Variants in CACNA1B observed in about 807,000 individuals in gnomAD.
CACNA1B encodes the protein calcium voltage-gated channel subunit alpha1 B, also known as voltage-dependent N-type calcium channel subunit alpha-1B.
A neutral mutation model predicts 247.2 loss-of-function variants in CACNA1B; 70 were observed. That is an observed-to-expected ratio of 0.28 (90% CI 0.23 to 0.35). The LOEUF (loss-of-function observed/expected upper bound fraction) is 0.35. CACNA1B is among the 10% of genes least tolerant of loss of function. The probability of loss-of-function intolerance (pLI) is 1.00; values close to 1 mark genes in which losing one functional copy is unlikely to be tolerated. For synonymous variants in CACNA1B, 1,231 were observed against 1,294.4 expected (o/e 0.95, Z 1.05); for missense variants, 2,367 against 3,197.4 (o/e 0.74, Z 6.26).
At chr9:137,924,944 G>T (rs1957532755) in intron 6 of CACNA1B, among the ~76,000 whole-genome samples, 1 of 152,206 alleles carries the variant, frequency 6.6e-6, no homozygotes, top group Non-Finnish European at 1.5e-5. Context: ...GGCAGCCAGT[G>T]CCTGGTTGTC....
chr9:137,882,829 G>A lies in CACNA1B; in HGVS notation c.476G>A (p.Gly159Asp), dbSNP rs1236721981. ...GCTCTGGGCTTTGTCTTCCACAAGG[G>A]CTCTTACCTGCGGAACGGCTGGAAC... ...IIALGFVFHKGSYLRNGWNVM... is the reference protein window; with the variant it reads ...IIALGFVFHKDSYLRNGWNVM... Residue 159 changes from glycine to aspartate, a missense_variant, in exon 3 of 47, where the codon GGC becomes GAC. Transcript: ENST00000371372. The surrounding 1 kb of genome is among the most constrained non-coding windows in gnomAD (Gnocchi z 4.0). The A allele has an allele frequency of 1.9e-6, 3 of 1,613,842 alleles. No individual in the cohort carries two copies. In the East Asian group the frequency reaches 6.7e-5, roughly 36 times the overall value.
chr9:137,939,109 C>G (rs964717534), intron 6 of CACNA1B, among the ~76,000 whole-genome samples: 4 of 152,026 alleles, frequency 2.6e-5, no homozygotes, highest in Non-Finnish European at 5.9e-5. Context: ...TACACAGCAA[C>G]ACAATAATAG....
At position 138,023,073 on chromosome 9, in the gene CACNA1B, T is replaced by C; in HGVS notation, c.2330T>C (p.Leu777Pro). 6.5e-7 allele frequency: 1 copy of C among 1,529,594 alleles called. No individual in the cohort carries two copies. Among genetic ancestry groups the C allele is most frequent in the Non-Finnish European group, 8.7e-7 (1 of 1,144,884 alleles). The allele number at this position is 1,529,594 out of a possible 1,614,324, so 94.8% of individuals were successfully genotyped here. ...VWEQRASQLR[L>P]QNLRASCEAL... ...GAGCAGCGGGCCAGCCAGCTACGGCTGCAGAACCTGCGGGCCAGCTGCGAG... is the reference window on the plus strand; with the variant it reads ...GAGCAGCGGGCCAGCCAGCTACGGCCGCAGAACCTGCGGGCCAGCTGCGAG... The change falls in exon 19 of 47, where the codon CTG (leucine) becomes CCG (proline). Residue 777 changes from leucine (L) to proline (P), a missense_variant. Physicochemically the swap from Leu to Pro is moderately conservative, Grantham distance 98 (BLOSUM62 -3). Transcript: ENST00000371372.
At chr9:138,113,751 C>T (rs1172883338) in intron 40 of CACNA1B, among the ~76,000 whole-genome samples, 9 of 102,760 alleles carry the variant, frequency 8.8e-5, no homozygotes, top group Admixed American at 2.2e-4. Context: ...CCCAACTCCT[C>T]CTTGTGGGAG....
chr9:137,910,727 C>T (rs1044874133), intron 3 of CACNA1B, among the ~76,000 whole-genome samples: 33 of 152,170 alleles, frequency 2.2e-4, no homozygotes, highest in African/African-American at 7.2e-4. Context: ...CTAATACCAC[C>T]GCCGATCTGA....
At chr9:138,068,758 G>A (rs1271460044) in intron 31 of CACNA1B, 3 of 430,934 alleles carry the variant, frequency 7.0e-6, no homozygotes, top group African/African-American at 6.0e-5. Flanking sequence ...AGGGCACAAA[G>A]TGGAGGGTGC....
rs1959345406 is a variant in CACNA1B at position 138,052,884 on chromosome 9, T to A, written c.3807+696T>A. Among the ~76,000 whole-genome samples, 1 of 152,196 alleles carries A rather than the reference T, an allele frequency of 6.6e-6. No homozygotes were observed. The highest frequency in any genetic ancestry group is 1.5e-5 in the Non-Finnish European group (1 of 68,032). Reference sequence around the variant, plus strand: ...CGCTGTGCAGTGGTCATCCACAGTGTGCCAGGCTGCTTTGTGGGAGACGGT... The same window carrying A: ...CGCTGTGCAGTGGTCATCCACAGTGAGCCAGGCTGCTTTGTGGGAGACGGT... On this transcript the variant is annotated intron_variant, in intron 25 of 46. Coordinates refer to ENST00000371372, the MANE Select transcript of CACNA1B (RefSeq NM_000718.4). The surrounding 1 kb of genome is among the most constrained non-coding windows in gnomAD (Gnocchi z 5.1).
chr9:137,957,014 G>A lies in CACNA1B; in HGVS notation c.1243+187G>A, dbSNP rs1235025837. The stretch of plus-strand genomic sequence containing the variant: ...CTGGCACCTGACACAGGCCCACACT[G>A]CAGGTTTAAACCGAGCTGTGTCTAT... On this transcript the variant is annotated intron_variant, in intron 9 of 46. Coordinates refer to ENST00000371372, the MANE Select transcript of CACNA1B (RefSeq NM_000718.4). This position sits in a 1 kb window ranked among gnomAD's most constrained non-coding sequence, Gnocchi z 4.7. 6.6e-6 allele frequency among the ~76,000 whole-genome samples: 1 copy of A among 152,234 alleles called. No individual in the cohort carries two copies. The highest frequency in any genetic ancestry group is 1.9e-4 in the East Asian group (1 of 5,192).
At chr9:138,107,316 G>A (rs902164925) in intron 39 of CACNA1B, among the ~76,000 whole-genome samples, 4 of 150,944 alleles carry the variant, frequency 2.6e-5, no homozygotes, top group Non-Finnish European at 5.9e-5. Flanking sequence ...GTGCAGTCAC[G>A]GCTCACTGCA....
chr9:138,113,143 G>A (rs1195431080), intron 40 of CACNA1B, among the ~76,000 whole-genome samples: 4 of 147,066 alleles, frequency 2.7e-5, no homozygotes, highest in Admixed American at 6.8e-5. Flanking sequence ...GGGAGCACGG[G>A]GAGGTGCCCA....
chr9:138,047,629 G>C (rs1024793895), intron 23 of CACNA1B, among the ~76,000 whole-genome samples, 171 bp downstream of exon 23: 10 of 152,204 alleles, frequency 6.6e-5, no homozygotes, highest in African/African-American at 2.4e-4. Flanking sequence ...ACACAAAGAG[G>C]CTTTGTCGTT....
chr9:137,915,422 T>G (rs1957399040), intron 5 of CACNA1B, among the ~76,000 whole-genome samples: 1 of 152,028 alleles, frequency 6.6e-6, no homozygotes, highest in Non-Finnish European at 1.5e-5. Flanking sequence ...AAATTATGGG[T>G]GTATTTGTAG....
At chr9:138,110,987 A>G (rs1961609397) in intron 39 of CACNA1B, among the ~76,000 whole-genome samples, 1 of 152,116 alleles carries the variant, frequency 6.6e-6, no homozygotes. Context: ...TTAAAAAAAA[A>G]AAAACCACAA....
chr9:138,065,638 C>T (rs1319055981), intron 31 of CACNA1B, among the ~76,000 whole-genome samples: 1 of 152,138 alleles, frequency 6.6e-6, no homozygotes, highest in Non-Finnish European at 1.5e-5. Context: ...CTGGTCCTCC[C>T]TTGAGTCCCA....
In CACNA1B at chr9:138,007,032, G is replaced by T. The variant is rs1202843366; in HGVS notation, c.2092+148G>T. ...GCTGAGTGCAGATGGAGAACATTCT[G>T]CAGGTGGCCGGAGCGCAGGGCTCTG... On this transcript the variant is annotated intron_variant, in intron 16 of 46. Transcript: ENST00000371372. The surrounding 1 kb of genome is among the most constrained non-coding windows in gnomAD (Gnocchi z 4.1). 1.3e-5 allele frequency: 8 copies of T among 614,238 alleles called. No homozygotes were observed. In the Admixed American group the frequency reaches 1.7e-4, roughly 13 times the overall value. 38.0% of individuals were successfully genotyped at this position (614,238 alleles called of 1,614,324 possible). A position where few individuals can be genotyped will look rare whatever the true frequency, so the allele number is the denominator to read the frequency against.
Position 137,980,837 on chromosome 9 carries a change from A to AT in CACNA1B, c.1657-3293dup, listed in dbSNP as rs1236091757. On this transcript the variant is annotated intron_variant, in intron 12 of 46. Coordinates refer to ENST00000371372, the MANE Select transcript of CACNA1B (RefSeq NM_000718.4). ...TCCATATTACTGCAAAATACATGTT[A>AT]TTTTTTTTAATAGCTGTGCAGTCTT... 4.7e-5 allele frequency among the ~76,000 whole-genome samples: 7 copies of AT among 148,888 alleles called. No individual in the cohort carries two copies. In the South Asian group the frequency reaches 1.3e-3, roughly 27 times the overall value.
Position 138,114,373 on chromosome 9 carries a change from T to C in CACNA1B, c.5537-5T>C, listed in dbSNP as rs970073945. 2 of 1,452,750 alleles carry C rather than the reference T, an allele frequency of 1.4e-6. No individual in the cohort carries two copies. The highest frequency in any genetic ancestry group is 1.8e-5 in the Admixed American group (1 of 54,682). 90.0% of individuals were successfully genotyped at this position (1,452,750 alleles called of 1,614,324 possible). On this transcript the variant is annotated splice_polypyrimidine_tract_variant and splice_region_variant and intron_variant, in intron 40 of 46. Transcript: ENST00000371372. ...CCGAATCTCAACTCCTGTGTTCTTT[T>C]CCAGCTGATGAGATGACAGTGGGGA... is the stretch of plus-strand genomic sequence containing the variant.
chr9:138,033,833 C>A (rs1256125274), intron 20 of CACNA1B, among the ~76,000 whole-genome samples: 3 of 152,238 alleles, frequency 2.0e-5, no homozygotes, highest in Non-Finnish European at 4.4e-5. Flanking sequence ...GATCCAATTA[C>A]CTCCATCTGG....
At chr9:137,922,862 G>A (rs980693718) in intron 6 of CACNA1B, among the ~76,000 whole-genome samples, 5 of 152,152 alleles carry the variant, frequency 3.3e-5, no homozygotes, top group African/African-American at 1.2e-4. Flanking sequence ...TGTTGACACA[G>A]TGAAGACGTA....
Sources: gnomAD v4.1 joint callset for allele counts (sites outside exome capture counted in the v4.1 genomes callset) on GRCh38, gnomAD v4.1.1 for gene constraint, Gnocchi (gnomAD v3.1) non-coding constraint, MANE v1.5 for transcripts, NCBI Gene and HGNC (gene_info 2026-07-23, HGNC 2026-07-21) for gene names.